GRIK2: variants seen among roughly 807,000 people sequenced by gnomAD.
GRIK2 encodes the protein glutamate receptor ionotropic, kainate 2.
A neutral mutation model predicts 100.3 loss-of-function variants in GRIK2; 32 were observed. The ratio of observed to expected loss-of-function variants is 0.32; its 90% CI spans 0.24 to 0.43. The LOEUF is 0.43. Ranked by LOEUF, GRIK2 falls within the 20% of genes least tolerant of loss-of-function variation. The pLI is 1.00. For missense variants in GRIK2, 843 were observed against 1,114.9 expected (o/e 0.76, Z 3.47); for synonymous variants, 417 against 389.4 (o/e 1.07, Z -0.83).
chr6:101,630,776 C>A (rs1252163857), intron 4 of GRIK2, among the ~76,000 whole-genome samples: 2 of 151,936 alleles, frequency 1.3e-5, no homozygotes, highest in Non-Finnish European at 2.9e-5. Flanking sequence ...CCACCTCATA[C>A]ACAATAAAAT....
At chr6:101,572,949 A>G (rs1777622121) in intron 2 of GRIK2, among the ~76,000 whole-genome samples, 1 of 151,690 alleles carries the variant, frequency 6.6e-6, no homozygotes, top group African/African-American at 2.4e-5. Flanking sequence ...CCCAGGTTCA[A>G]GAGGTTCTTG....
intron 8 of GRIK2, 84 bp from the exon 9 acceptor site, chr6:101,802,247 A>C: frequency 2.1e-6 from 1 of 485,372 alleles, no homozygotes; most frequent in Non-Finnish European, 3.7e-6. Flanking sequence ...AAAAGTAATG[A>C]ATATAAGTTT....
chr6:101,989,947 A>C (rs922900625), intron 14 of GRIK2, among the ~76,000 whole-genome samples: 2 of 151,674 alleles, frequency 1.3e-5, no homozygotes, highest in Non-Finnish European at 3.0e-5. Context: ...GAAGGACTTA[A>C]TAGTAATTTA....
chr6:101,800,213 A>G (rs1007531154), intron 8 of GRIK2, among the ~76,000 whole-genome samples: 3 of 151,958 alleles, frequency 2.0e-5, no homozygotes, highest in Non-Finnish European at 4.4e-5. Flanking sequence ...TATTTAAATT[A>G]TATTTACAAT....
At chr6:102,064,486 C>G (rs749639037) in intron 16 of GRIK2, among the ~76,000 whole-genome samples, 6 of 147,392 alleles carry the variant, frequency 4.1e-5, no homozygotes, top group Non-Finnish European at 9.0e-5. Context: ...TTCTCCACTT[C>G]TTTTCTTCTT....
intron 7 of GRIK2, among the ~76,000 whole-genome samples, chr6:101,686,912 C>CTTAGTTGTTTATGCCAAACAACT (rs568316554): frequency 3.9e-5 from 6 of 152,116 alleles, no homozygotes; most frequent in South Asian, 4.1e-4. Flanking sequence ...TCTTATATAA[C>CTTAGTTGTTTATGCCAAACAACT]TTAGTTGTTT....
At chr6:102,009,895 T>C (rs1420416313) in intron 14 of GRIK2, among the ~76,000 whole-genome samples, 1 of 152,134 alleles carries the variant, frequency 6.6e-6, no homozygotes, top group Non-Finnish European at 1.5e-5. Context: ...GTTAAAAGAT[T>C]TTAGAAACCA....
At chr6:101,512,074 A>G (rs1386282097) in intron 2 of GRIK2, among the ~76,000 whole-genome samples, 1 of 151,346 alleles carries the variant, frequency 6.6e-6, no homozygotes, top group African/African-American at 2.4e-5. Context: ...ATATATATAT[A>G]TACACACATA....
At chr6:101,875,641 T>C (rs367735352) in intron 11 of GRIK2, among the ~76,000 whole-genome samples, 1 of 151,914 alleles carries the variant, frequency 6.6e-6, no homozygotes, top group Non-Finnish European at 1.5e-5. Flanking sequence ...TCTTTTACAT[T>C]GAATGAGTTT....
intron 10 of GRIK2, among the ~76,000 whole-genome samples, chr6:101,836,940 A>T (rs935999860): frequency 6.6e-6 from 1 of 152,042 alleles, no homozygotes; most frequent in Non-Finnish European, 1.5e-5. Flanking sequence ...CCAGGATTAC[A>T]GGTGTGAGCC....
chr6:101,947,468 T>C (rs1327058785), intron 14 of GRIK2, among the ~76,000 whole-genome samples: 1 of 152,182 alleles, frequency 6.6e-6, no homozygotes, highest in East Asian at 1.9e-4. Context: ...TGCATTCCAC[T>C]AAGTTTCTTA....
chr6:101,631,973 C>T (rs1260566984), intron 4 of GRIK2, among the ~76,000 whole-genome samples: 2 of 152,064 alleles, frequency 1.3e-5, no homozygotes, highest in African/African-American at 4.8e-5. Flanking sequence ...ATATTTGAGT[C>T]CAAATCCCCC....
chr6:101,572,762 T>C (rs1777600023), intron 2 of GRIK2, among the ~76,000 whole-genome samples: 1 of 150,070 alleles, frequency 6.7e-6, no homozygotes, highest in South Asian at 2.1e-4. Flanking sequence ...CTTTTTTTTT[T>C]TTTTTTTTTA....
At chr6:101,865,673 G>A (rs982629877) in intron 11 of GRIK2, among the ~76,000 whole-genome samples, 2 of 152,014 alleles carry the variant, frequency 1.3e-5, no homozygotes, top group Admixed American at 6.6e-5. Context: ...GATCACCTGA[G>A]GTTAGGAGTT....
At chr6:101,763,840 T>C (rs1434827878) in intron 7 of GRIK2, among the ~76,000 whole-genome samples, 6 of 151,966 alleles carry the variant, frequency 3.9e-5, no homozygotes, top group African/African-American at 1.2e-4. Context: ...TTTGTTTTTT[T>C]GTTTTTTTTT....
chr6:101,948,869 C>T (rs894094412), intron 14 of GRIK2, among the ~76,000 whole-genome samples: 2 of 152,060 alleles, frequency 1.3e-5, no homozygotes, highest in African/African-American at 2.4e-5. Flanking sequence ...CAATATGAGG[C>T]AAACTCAGGG....
At chr6:101,465,904 G>T (rs1179234396) in intron 2 of GRIK2, among the ~76,000 whole-genome samples, 1 of 152,152 alleles carries the variant, frequency 6.6e-6, no homozygotes, top group Non-Finnish European at 1.5e-5. Flanking sequence ...TCTTATGGGG[G>T]TTGAGTGCTG....
At chr6:101,662,172 G>T (rs1769675253) in intron 4 of GRIK2, among the ~76,000 whole-genome samples, 1 of 152,230 alleles carries the variant, frequency 6.6e-6, no homozygotes, top group Admixed American at 6.5e-5. Flanking sequence ...ATTTGGAATT[G>T]TGATGAAGAA....
At chr6:101,797,723 T>G (rs1167850398) in intron 7 of GRIK2, among the ~76,000 whole-genome samples, 1 of 147,088 alleles carries the variant, frequency 6.8e-6, no homozygotes. Context: ...TAGTTTATAT[T>G]ATATATAAAA....
Sources: allele counts gnomAD v4.1 joint callset (sites outside exome capture counted in the v4.1 genomes callset), GRCh38; gene constraint gnomAD v4.1.1; transcripts MANE v1.5; gene names NCBI Gene and HGNC (gene_info 2026-07-23, HGNC 2026-07-21).